The following HFM1 variants were observed in gnomAD, a reference collection of about 807,000 sequenced individuals.
HFM1 encodes the protein probable ATP-dependent DNA helicase HFM1.
In HFM1, 169 loss-of-function variants were observed where a neutral mutation model predicts 192.1. The ratio of observed to expected loss-of-function variants is 0.88; its 90% CI spans 0.78 to 1.00. HFM1 has a LOEUF of 1.00. Ranked by LOEUF, HFM1 falls within the 50% of genes least tolerant of loss-of-function variation. HFM1 has a pLI of 0.00. For missense variants in HFM1, 1,661 were observed against 1,668.0 expected (o/e 1.00, Z 0.07); for synonymous variants, 525 against 537.8 (o/e 0.98, Z 0.33).
In HFM1 at chr1:91,378,467, C is replaced by T. The variant is rs1187031326; in HGVS notation, c.1172G>A (p.Ser391Asn). ...GTTGTCTCTCCATTTCCTAGTCATG[C>T]TATCCCATTTTTCCTAGAGAGAAAA... ...IIMTTPEKWD[S>N]MTRKWRDNSL... Residue 391 changes from serine to asparagine, a missense_variant, in exon 10 of 39, where the codon AGC (serine) becomes AAC (asparagine). Transcript: ENST00000370425. 1 of 1,599,486 alleles carries T rather than the reference C, an allele frequency of 6.3e-7. No individual in the cohort carries two copies. The highest frequency in any genetic ancestry group is 8.6e-7 in the Non-Finnish European group (1 of 1,169,530).
At chr1:91,267,592 T>C (rs1222790089) in intron 35 of HFM1, among the ~76,000 whole-genome samples, 153 bp downstream of exon 35, 2 of 152,154 alleles carry the variant, frequency 1.3e-5, no homozygotes, top group Non-Finnish European at 2.9e-5. Flanking sequence ...AAGAGTCACA[T>C]TTTCAGTTTT....
intron 20 of HFM1, among the ~76,000 whole-genome samples, chr1:91,327,412 G>C (rs1213057615): frequency 6.6e-6 from 1 of 152,152 alleles, no homozygotes; most frequent in African/African-American, 2.4e-5. Context: ...CAGCTACTTG[G>C]GGGGCTGAGG....
chr1:91,319,980 G>A (rs886355239), intron 23 of HFM1, among the ~76,000 whole-genome samples: 1 of 152,156 alleles, frequency 6.6e-6, no homozygotes, highest in Non-Finnish European at 1.5e-5. Context: ...GGTGTTAGTT[G>A]TTCAAGGGGA....
intron 25 of HFM1, among the ~76,000 whole-genome samples, chr1:91,317,061 T>A (rs1041504220): frequency 1.3e-5 from 2 of 152,174 alleles, no homozygotes; most frequent in Non-Finnish European, 2.9e-5. Context: ...TCTAATTTCC[T>A]CTAACTCTCC....
At chr1:91,309,958 G>A (rs1316200773) in intron 30 of HFM1, among the ~76,000 whole-genome samples, 1 of 151,776 alleles carries the variant, frequency 6.6e-6, no homozygotes, top group Non-Finnish European at 1.5e-5. Context: ...CTTGGACAAA[G>A]GGTTTATTAT....
rs957897583 is a variant in HFM1, at chr1:91,311,097, A to G, written c.3391+2252T>C. Among the ~76,000 whole-genome samples the G allele has an allele frequency of 7.9e-5, 12 of 152,314 alleles. No individual in the cohort carries two copies. The East Asian group carries it at 2.1e-3, about 27-fold the overall frequency. On this transcript the variant is annotated intron_variant, in intron 30 of 38. Transcript: ENST00000370425. ...CTTTGCCCAAAATGCTGATAGCAAT[A>G]TGGACAATAAGGTCCAGGTTGAGGT... is the stretch of plus-strand genomic sequence containing the variant.
rs368721249 is a variant in HFM1, at chr1:91,369,051, A to G, written c.1685+6307T>C. Among the ~76,000 whole-genome samples, 83 of 152,358 alleles carry G rather than the reference A, an allele frequency of 5.4e-4. 4 individuals carry two copies. In the South Asian group the frequency reaches 0.016, roughly 30 times the overall value. ...ATCAATTCAACAAGAAGAGCTAACT[A>G]TCCTAAATATATATGCACCCAATAC... is the stretch of plus-strand genomic sequence containing the variant. On this transcript the variant is annotated intron_variant, in intron 13 of 38. Coordinates refer to ENST00000370425, the MANE Select transcript of HFM1 (RefSeq NM_001017975.6).
chr1:91,376,844 A>T (rs1472749783), intron 11 of HFM1, among the ~76,000 whole-genome samples: 1 of 151,906 alleles, frequency 6.6e-6, no homozygotes, highest in Non-Finnish European at 1.5e-5. Context: ...AATGAATATA[A>T]CATTTATTGA....
At chr1:91,293,980 A>C (rs1478665468) in intron 30 of HFM1, among the ~76,000 whole-genome samples, 1 of 148,522 alleles carries the variant, frequency 6.7e-6, no homozygotes, top group Admixed American at 6.8e-5. Context: ...ATTCTCACTC[A>C]TAGGTGGGAA....
At chr1:91,286,989 G>A (rs976972947) in intron 30 of HFM1, among the ~76,000 whole-genome samples, 3 of 152,112 alleles carry the variant, frequency 2.0e-5, no homozygotes, top group Non-Finnish European at 4.4e-5. Flanking sequence ...ATTATATCCC[G>A]CACCTGGCTC....
chr1:91,329,445 G>A (rs1026681889), intron 20 of HFM1: 244 of 1,570,710 alleles, frequency 1.6e-4, no homozygotes, highest in Admixed American at 7.3e-5. Context: ...TAAGTGCAAG[G>A]AGCCAGAATC....
rs925771499 is a variant in HFM1 at position 91,315,884 on chromosome 1, G to A, written c.3071C>T (p.Ser1024Leu). ...GATTAAGGTAACATAGTGAGAATCC[G>A]ATGCTGTTCTTTTAGTTTGTAGCTG... is the stretch of plus-strand genomic sequence containing the variant. ...FEQLQTKRTA[S>L]DSHYVTLIIG... The change falls in exon 28 of 39, where the codon TCG (serine) becomes TTG (leucine). Residue 1024 changes from serine to leucine, a missense_variant. Ser to Leu is a moderately radical substitution (Grantham distance 145). Transcript: ENST00000370425. 28 of 1,609,742 alleles carry A rather than the reference G, an allele frequency of 1.7e-5. No homozygotes were observed. Among genetic ancestry groups the A allele is most frequent in the African/African-American group, 6.7e-5 (5 of 74,770 alleles).
intron 32 of HFM1, among the ~76,000 whole-genome samples, chr1:91,276,399 C>T (rs988010673): frequency 3.3e-5 from 5 of 151,962 alleles, no homozygotes; most frequent in African/African-American, 1.2e-4. Context: ...TATCTTAGCA[C>T]TTTGGCATAT....
At chr1:91,290,477 G>C (rs1290707036) in intron 30 of HFM1, among the ~76,000 whole-genome samples, 4 of 152,084 alleles carry the variant, frequency 2.6e-5, no homozygotes, top group African/African-American at 7.2e-5. Flanking sequence ...ATGGTAAAGG[G>C]ACCAATTCAA....
intron 4 of HFM1, among the ~76,000 whole-genome samples, chr1:91,389,572 G>A (rs1447615851): frequency 6.6e-6 from 1 of 152,126 alleles, no homozygotes; most frequent in African/African-American, 2.4e-5. Context: ...GAAAAACCAT[G>A]GGAGAACATA....
intron 20 of HFM1, chr1:91,328,647 A>G (rs1653310489): frequency 6.3e-7 from 1 of 1,592,522 alleles, no homozygotes; most frequent in African/African-American, 1.3e-5. Context: ...AGGGCACGCC[A>G]CCACAGCACA....
In HFM1 at chr1:91,323,202, A is replaced by G. The variant is rs1273198984; in HGVS notation, c.2428-3T>C. 4.9e-6 allele frequency: 7 copies of G among 1,421,772 alleles called. No individual in the cohort carries two copies. The highest frequency in any genetic ancestry group is 1.8e-5 in the Admixed American group (1 of 55,160). 88.1% of individuals were successfully genotyped at this position (1,421,772 alleles called of 1,614,324 possible). A position where few individuals can be genotyped will look rare whatever the true frequency, so the allele number is the denominator to read the frequency against. On this transcript the variant is annotated splice_polypyrimidine_tract_variant and splice_region_variant and intron_variant, in intron 21 of 38. Coordinates refer to ENST00000370425, the MANE Select transcript of HFM1 (RefSeq NM_001017975.6). ...TTGCAGCCAGCTATCAATGTAACCTATAACATTTCAGTAGTTGTCCATTTA... is the reference window on the plus strand; with the variant it reads ...TTGCAGCCAGCTATCAATGTAACCTGTAACATTTCAGTAGTTGTCCATTTA...
chr1:91,275,760 T>A (rs1666742799), intron 32 of HFM1, among the ~76,000 whole-genome samples: 1 of 152,192 alleles, frequency 6.6e-6, no homozygotes. Flanking sequence ...AGGCCATTAT[T>A]TTGCTTAGAT....
chr1:91,263,788 C>A (rs1284212218), intron 36 of HFM1, among the ~76,000 whole-genome samples: 1 of 152,070 alleles, frequency 6.6e-6, no homozygotes, highest in East Asian at 1.9e-4. Flanking sequence ...CAGGCCTTTT[C>A]CCCAGCAGCA....
Sources: gnomAD v4.1 joint callset for allele counts (sites outside exome capture counted in the v4.1 genomes callset) on GRCh38, gnomAD v4.1.1 for gene constraint, MANE v1.5 for transcripts, NCBI Gene and HGNC (gene_info 2026-07-23, HGNC 2026-07-21) for gene names.